Variants in CEP112 observed in about 807,000 individuals in gnomAD.
CEP112 encodes centrosomal protein 112.
A neutral mutation model predicts 153.0 loss-of-function variants in CEP112; 127 were observed. The observed-to-expected ratio is 0.83, with a 90% confidence interval of 0.72 to 0.96. CEP112 has a LOEUF of 0.96. Among genes scored for constraint, CEP112 ranks in the 40% least tolerant of loss-of-function variants. The pLI, the probability that CEP112 is intolerant of heterozygous loss-of-function variation, is 0.00. For missense variants in CEP112, 1,089 were observed against 1,101.2 expected (o/e 0.99, Z 0.16); for synonymous variants, 358 against 374.4 (o/e 0.96, Z 0.51).
chr17:65,805,553 AGAG>A (rs1196366273), intron 21 of CEP112, among the ~76,000 whole-genome samples: 1 of 152,222 alleles, frequency 6.6e-6, no homozygotes, highest in African/African-American at 2.4e-5. Flanking sequence ...TTAAAAGAGT[AGAG>A]GAGTAAGTAG....
chr17:66,060,895 A>G (rs946397525), intron 11 of CEP112, among the ~76,000 whole-genome samples: 2 of 27,720 alleles, frequency 7.2e-5, no homozygotes, highest in Non-Finnish European at 1.9e-4. Context: ...AAAAGCAAGG[A>G]AAAAAAAAAA....
At chr17:65,702,738 G>A (rs186352536) in intron 23 of CEP112, among the ~76,000 whole-genome samples, 22 of 152,294 alleles carry the variant, frequency 1.4e-4, no homozygotes, top group African/African-American at 4.6e-4. Context: ...AGTTCCACAT[G>A]GCTGGGGAGG....
intron 24 of CEP112, among the ~76,000 whole-genome samples, chr17:65,660,236 C>CT: frequency 7.3e-6 from 1 of 137,706 alleles, no homozygotes; most frequent in African/African-American, 2.8e-5. Flanking sequence ...TCCTTCCTTC[C>CT]TCTTTTTTGT....
At chr17:65,892,672 G>A (rs888433770) in intron 20 of CEP112, among the ~76,000 whole-genome samples, 1 of 152,084 alleles carries the variant, frequency 6.6e-6, no homozygotes, top group African/African-American at 2.4e-5. Context: ...TTGAACTCAT[G>A]GCATTTGTCT....
chr17:66,086,380 C>CTTT (rs71160531), intron 8 of CEP112, among the ~76,000 whole-genome samples: 2 of 67,026 alleles, frequency 3.0e-5, no homozygotes, highest in African/African-American at 1.3e-4. Flanking sequence ...ATTTTCTTTT[C>CTTT]TTTTTTTTTT....
At chr17:65,950,213 T>TCAC (rs2061776957) in intron 18 of CEP112, among the ~76,000 whole-genome samples, 1 of 152,184 alleles carries the variant, frequency 6.6e-6, no homozygotes, top group African/African-American at 2.4e-5. Context: ...GTTTTAATTT[T>TCAC]TTTTAAACTT....
At chr17:66,129,163 T>C (rs1327408560) in intron 6 of CEP112, among the ~76,000 whole-genome samples, 1 of 151,984 alleles carries the variant, frequency 6.6e-6, no homozygotes, top group African/African-American at 2.4e-5. Flanking sequence ...CATTCAAAGC[T>C]CCAATGCAAC....
At chr17:65,682,840 C>T (rs773089296) in intron 24 of CEP112, among the ~76,000 whole-genome samples, 3 of 152,136 alleles carry the variant, frequency 2.0e-5, no homozygotes, top group African/African-American at 4.8e-5. Flanking sequence ...TTCCCTTCTC[C>T]GCTATAAACA....
At chr17:65,915,643 C>A (rs1485389541) in intron 19 of CEP112, among the ~76,000 whole-genome samples, 1 of 151,850 alleles carries the variant, frequency 6.6e-6, no homozygotes, top group Non-Finnish European at 1.5e-5. Flanking sequence ...AAAAAATTAG[C>A]CAGGCGTGGT....
At chr17:66,185,297 AC>A in intron 1 of CEP112, among the ~76,000 whole-genome samples, 1 of 152,296 alleles carries the variant, frequency 6.6e-6, no homozygotes, top group Non-Finnish European at 1.5e-5. Context: ...ATCTTGGCTC[AC>A]TGCAACCTCC....
In CEP112 at chr17:66,034,686, T is replaced by A. The variant is rs1282390876; in HGVS notation, c.1219-4663A>T. On this transcript the variant is annotated intron_variant, in intron 12 of 26. Coordinates refer to ENST00000535342, the MANE Select transcript of CEP112 (RefSeq NM_001199165.4). Reference sequence around the variant, plus strand: ...GAAAAAAAGAGATAAAACAGAAAGATATCCAACAAATCAGAGAAGAAAAAT... The same window carrying A: ...GAAAAAAAGAGATAAAACAGAAAGAAATCCAACAAATCAGAGAAGAAAAAT... Among the ~76,000 whole-genome samples the A allele has an allele frequency of 1.3e-5, 2 of 151,970 alleles. 1 individual carries two copies. Among genetic ancestry groups the A allele is most frequent in the Non-Finnish European group, 2.9e-5 (2 of 67,992 alleles).
chr17:65,677,001 T>G (rs1188083482), intron 24 of CEP112, among the ~76,000 whole-genome samples: 3 of 152,196 alleles, frequency 2.0e-5, no homozygotes, highest in Admixed American at 2.0e-4. Context: ...ACATGATATC[T>G]GTGCCCTTCC....
chr17:65,895,974 T>C (rs2059645799), intron 20 of CEP112, among the ~76,000 whole-genome samples: 1 of 152,098 alleles, frequency 6.6e-6, no homozygotes, highest in African/African-American at 2.4e-5. Flanking sequence ...TTACCTCTTC[T>C]TCAAGAACAA....
intron 20 of CEP112, among the ~76,000 whole-genome samples, chr17:65,895,430 A>G (rs1323258727): frequency 6.6e-6 from 1 of 152,058 alleles, no homozygotes; most frequent in Non-Finnish European, 1.5e-5. Context: ...TACATACTCA[A>G]ACTGGATATC....
At chr17:65,779,509 G>A (rs2053883761) in intron 21 of CEP112, among the ~76,000 whole-genome samples, 1 of 152,126 alleles carries the variant, frequency 6.6e-6, no homozygotes, top group Admixed American at 6.5e-5. Context: ...ACAGGAAAGG[G>A]TACTTTAATT....
intron 21 of CEP112, among the ~76,000 whole-genome samples, chr17:65,811,016 T>C (rs913079169): frequency 6.6e-6 from 1 of 152,170 alleles, no homozygotes; most frequent in Non-Finnish European, 1.5e-5. Context: ...AAAGGCAGTG[T>C]TGGAGGTTTG....
chr17:65,950,970 C>G (rs2061808814), intron 18 of CEP112, among the ~76,000 whole-genome samples: 1 of 152,000 alleles, frequency 6.6e-6, no homozygotes. Context: ...TTTTCAAATG[C>G]TTTTTCAGCC....
At position 65,827,045 on chromosome 17, in the gene CEP112, A is replaced by G. The variant is rs548985112; in HGVS notation, c.2394+24759T>C. ...AGACCTGCTGAGTCTTCTGGCCTTC[A>G]TCTTTCTGCCATGCTGGATGCTTCC... On this transcript the variant is annotated intron_variant, in intron 21 of 26. Coordinates refer to ENST00000535342, the MANE Select transcript of CEP112 (RefSeq NM_001199165.4). 2.7e-3 allele frequency among the ~76,000 whole-genome samples: 414 copies of G among 152,360 alleles called. 4 individuals carry two copies. Among genetic ancestry groups the G allele is most frequent in the African/African-American group, 9.2e-3 (383 of 41,590 alleles).
At chr17:65,696,255 T>C (rs541383894) in intron 23 of CEP112, among the ~76,000 whole-genome samples, 5 of 152,328 alleles carry the variant, frequency 3.3e-5, no homozygotes, top group African/African-American at 7.2e-5. Flanking sequence ...AAAATGCTAA[T>C]AGTGCCTGGC....
Sources: allele counts gnomAD v4.1 joint callset (sites outside exome capture counted in the v4.1 genomes callset), GRCh38; gene constraint gnomAD v4.1.1; transcripts MANE v1.5; gene names NCBI Gene and HGNC (gene_info 2026-07-23, HGNC 2026-07-21).